Variants in GLYATL1 observed in about 807,000 individuals in gnomAD.
The protein encoded by GLYATL1 is glycine-N-acyltransferase like 1, also known as glycine N-acyltransferase-like protein 1.
GLYATL1 carries 15 observed loss-of-function variants against 20.0 expected under a neutral mutation model. The ratio of observed to expected loss-of-function variants is 0.75; its 90% CI spans 0.50 to 1.15. The LOEUF (loss-of-function observed/expected upper bound fraction) is 1.15. Among genes scored for constraint, GLYATL1 ranks in the 50% most tolerant of loss-of-function variants. The pLI is 0.00. For missense variants in GLYATL1, 380 were observed against 368.5 expected (o/e 1.03, Z -0.26); for synonymous variants, 151 against 131.5 (o/e 1.15, Z -1.01).
At chr11:58,938,887 C>T (rs1432194624), upstream of GLYATL1, among the ~76,000 whole-genome samples, 1 of 152,118 alleles carries the variant, frequency 6.6e-6, no homozygotes, top group Non-Finnish European at 1.5e-5. Flanking sequence ...AGCTCAGCAG[C>T]CCTACAGATA....
rs147295273 is a variant in GLYATL1, at chr11:58,947,314, G to C, written c.78+149G>C. The C allele has an allele frequency of 7.2e-6, 8 of 1,109,404 alleles. No homozygotes were observed. The East Asian group carries it at 2.1e-4, about 29-fold the overall frequency. 68.7% of individuals were successfully genotyped at this position (1,109,404 alleles called of 1,614,324 possible). A position where few individuals can be genotyped will look rare whatever the true frequency, so the allele number is the denominator to read the frequency against. On this transcript the variant is annotated intron_variant, in intron 3 of 6. Transcript: ENST00000532726. Reference sequence around the variant, plus strand: ...ACTGGGGGCACAGGCTGCATATCAAGAGCTGCTGCTTCTCTTTGGGAAGAG... The same window carrying C: ...ACTGGGGGCACAGGCTGCATATCAACAGCTGCTGCTTCTCTTTGGGAAGAG...
chr11:58,925,152 GGT>G (rs1855398707), upstream of GLYATL1, among the ~76,000 whole-genome samples: 1 of 152,056 alleles, frequency 6.6e-6, no homozygotes. Context: ...AAATTCTAGG[GGT>G]GGTACCTGTG....
intron 1 of GLYATL1, among the ~76,000 whole-genome samples, chr11:58,921,944 C>G (rs913995118): frequency 4.6e-5 from 7 of 152,174 alleles, no homozygotes; most frequent in African/African-American, 1.7e-4. Context: ...AACTGGAATG[C>G]CTCACAGAGT....
chr11:58,941,561 A>AT (rs1457316432), intron 1 of GLYATL1, among the ~76,000 whole-genome samples: 1 of 152,064 alleles, frequency 6.6e-6, no homozygotes, highest in Non-Finnish European at 1.5e-5. Flanking sequence ...CTGGGTATAT[A>AT]CCCAAAGGGG....
chr11:58,934,020 G>C (rs954869801), intron 1 of GLYATL1: 4 of 152,572 alleles, frequency 2.6e-5, no homozygotes, highest in Non-Finnish European at 5.9e-5. Context: ...GCTGGACTGA[G>C]CATGGGTCCA....
intron 1 of GLYATL1, chr11:58,928,308 A>G (rs148758860): frequency 2.6e-5 from 4 of 152,316 alleles, no homozygotes; most frequent in South Asian, 2.1e-4. Context: ...GTGGGCACCA[A>G]TGACTTACTA....
intron 2 of GLYATL1, among the ~76,000 whole-genome samples, chr11:58,945,109 A>T (rs1051224629): frequency 6.6e-6 from 1 of 150,784 alleles, no homozygotes; most frequent in African/African-American, 2.4e-5. Flanking sequence ...TTGTGATTTC[A>T]TGGGTATAGT....
downstream of GLYATL1, among the ~76,000 whole-genome samples, chr11:58,912,752 T>A (rs560484083): frequency 1.3e-4 from 20 of 152,138 alleles, no homozygotes; most frequent in Non-Finnish European, 2.4e-4. Context: ...GCCTGGCCCC[T>A]CAGTCAGCAA....
At chr11:58,950,845 G>T (rs988568818) in intron 4 of GLYATL1, among the ~76,000 whole-genome samples, 2 of 151,708 alleles carry the variant, frequency 1.3e-5, no homozygotes, top group African/African-American at 4.8e-5. Flanking sequence ...CATGTTTCTC[G>T]GTCATTTGGT....
intron 2 of GLYATL1, among the ~76,000 whole-genome samples, chr11:58,945,096 T>G (rs1465597860): frequency 6.7e-6 from 1 of 150,032 alleles, no homozygotes; most frequent in Admixed American, 6.7e-5. Flanking sequence ...AGGGAATGAG[T>G]AATTGTGATT....
intron 1 of GLYATL1, chr11:58,928,197 G>T (rs1037237196): frequency 1.3e-5 from 2 of 152,196 alleles, no homozygotes; most frequent in African/African-American, 4.8e-5. Flanking sequence ...TTAAGCAGCT[G>T]TTGTAATACT....
upstream of GLYATL1, among the ~76,000 whole-genome samples, chr11:58,925,854 G>A (rs1855415310): frequency 3.9e-5 from 6 of 152,224 alleles, no homozygotes; most frequent in Admixed American, 3.9e-4. Context: ...CTTGACCTTT[G>A]GAGTTATATG....
Position 58,955,757 on chromosome 11 carries a change from A to G in GLYATL1, c.639A>G (p.Pro213=). 1 of 1,614,230 alleles carries G rather than the reference A, an allele frequency of 6.2e-7. No homozygotes were observed. The highest frequency in any genetic ancestry group is 8.5e-7 in the Non-Finnish European group (1 of 1,180,036). The change falls in exon 7 of 7, where the codon CCA becomes CCG. Residue 213 remains proline, a synonymous_variant. Coordinates refer to ENST00000532726, the MANE Select transcript of GLYATL1 (RefSeq NM_001389712.2). ...EDLPAACMLG[P]EGVPVSWVTM... is the part of the protein sequence containing the mutation. ...TGCCAGCAGCCTGTATGCTCGGCCC[A>G]GAGGGAGTCCCGGTCTCATGGGTAA...
chr11:58,937,605 C>A (rs1342618491), upstream of GLYATL1, among the ~76,000 whole-genome samples: 1 of 152,190 alleles, frequency 6.6e-6, no homozygotes, highest in Non-Finnish European at 1.5e-5. Flanking sequence ...GATTCTTTGA[C>A]TGTTCGGTCC....
chr11:58,944,413 G>C (rs1046625698), intron 2 of GLYATL1, among the ~76,000 whole-genome samples: 21 of 152,114 alleles, frequency 1.4e-4, no homozygotes, highest in African/African-American at 5.1e-4. Context: ...CTTGATAGCT[G>C]ATGGGACTGT....
chr11:58,916,332 T>C (rs775836467), intron 1 of GLYATL1, among the ~76,000 whole-genome samples: 2 of 152,198 alleles, frequency 1.3e-5, no homozygotes, highest in Admixed American at 6.5e-5. Flanking sequence ...GGAGTGCAGA[T>C]TTTTACATCC....
intron 1 of GLYATL1, among the ~76,000 whole-genome samples, chr11:58,940,254 T>C (rs1856043327): frequency 6.6e-6 from 1 of 152,206 alleles, no homozygotes; most frequent in Admixed American, 6.5e-5. Context: ...AACTTTGGAC[T>C]TTAAAAATTA....
downstream of GLYATL1, among the ~76,000 whole-genome samples, chr11:58,910,182 G>T (rs1855005912): frequency 6.6e-6 from 1 of 152,166 alleles, no homozygotes; most frequent in African/African-American, 2.4e-5. Flanking sequence ...TGGGAGAGGG[G>T]TAGAATAGCT....
rs577200070 is a variant in GLYATL1, at chr11:58,950,428, G to A, written c.186+2463G>A. Reference sequence around the variant, plus strand: ...CACTAAAGTATTCGTTTTAATAACTGCGGCATTTCATAGAGTCAATGCAAT... The same window carrying A: ...CACTAAAGTATTCGTTTTAATAACTACGGCATTTCATAGAGTCAATGCAAT... On this transcript the variant is annotated intron_variant, in intron 4 of 6. Coordinates refer to ENST00000532726, the MANE Select transcript of GLYATL1 (RefSeq NM_001389712.2). Among the ~76,000 whole-genome samples the A allele has an allele frequency of 3.3e-5, 5 of 152,226 alleles. No individual in the cohort carries two copies. The East Asian group carries it at 9.6e-4, about 29-fold the overall frequency.
Sources: gnomAD v4.1 joint callset for allele counts (sites outside exome capture counted in the v4.1 genomes callset) on GRCh38, gnomAD v4.1.1 for gene constraint, MANE v1.5 for transcripts, NCBI Gene and HGNC (gene_info 2026-07-23, HGNC 2026-07-21) for gene names.